The following CRYZL1 variants were observed in gnomAD, a reference collection of about 807,000 sequenced individuals.
CRYZL1 encodes the protein crystallin zeta like 1.
In CRYZL1, 34 loss-of-function variants were observed where a neutral mutation model predicts 50.6. The ratio of observed to expected loss-of-function variants is 0.67; its 90% CI spans 0.51 to 0.89. The LOEUF (loss-of-function observed/expected upper bound fraction) is 0.89, where lower values mean the gene tolerates loss of function less well. CRYZL1 is among the 40% of genes least tolerant of loss of function. The pLI, the probability that CRYZL1 is intolerant of heterozygous loss-of-function variation, is 0.00. For missense variants in CRYZL1, 354 were observed against 402.3 expected, an observed-to-expected ratio of 0.88 and a Z score of 1.03; for synonymous variants, 125 against 134.3, an observed-to-expected ratio of 0.93 and a Z score of 0.48.
rs953944060 is a variant in CRYZL1 at position 33,619,568 on chromosome 21, C to CT, written c.217+2427dup. 9.5e-5 allele frequency among the ~76,000 whole-genome samples: 14 copies of CT among 146,958 alleles called. No individual in the cohort carries two copies. The East Asian group carries it at 2.3e-3, about 24-fold the overall frequency. ...CGAAGGATAATTTTTTTTTCTTTTTCTTTTTTTTCTTTTGAGACAGGGTCT... is the reference window on the plus strand; with the variant it reads ...CGAAGGATAATTTTTTTTTCTTTTTCTTTTTTTTTCTTTTGAGACAGGGTCT... On this transcript the variant is annotated intron_variant, in intron 4 of 12. Coordinates refer to ENST00000381554, the MANE Select transcript of CRYZL1 (RefSeq NM_145858.3).
At position 33,623,724 on chromosome 21, in the gene CRYZL1, C is replaced by T. The variant is rs754009887; in HGVS notation, c.144+959G>A. On this transcript the variant is annotated intron_variant, in intron 3 of 12. Coordinates refer to ENST00000381554, the MANE Select transcript of CRYZL1 (RefSeq NM_145858.3). ...AGTCACATTATAATCCAATAAGTTA[C>T]GGGTCATGTAAACTATGGCATTAAT... Among the ~76,000 whole-genome samples, 3 of 152,036 alleles carry T rather than the reference C, an allele frequency of 2.0e-5. No individual in the cohort carries two copies. The East Asian group carries it at 5.8e-4, about 29-fold the overall frequency.
intron 11 of CRYZL1, 59 bp downstream of exon 11, chr21:33,595,672 A>G: frequency 1.9e-6 from 3 of 1,603,418 alleles, no homozygotes; most frequent in Non-Finnish European, 2.6e-6. Flanking sequence ...TCGTAATGAA[A>G]GAACTTAGTA....
chr21:33,620,556 A>G (rs1196354059), intron 4 of CRYZL1, among the ~76,000 whole-genome samples: 1 of 150,606 alleles, frequency 6.6e-6, no homozygotes, highest in Non-Finnish European at 1.5e-5. Flanking sequence ...CATGCCTGTA[A>G]TCCCAGCACT....
intron 8 of CRYZL1, 128 bp downstream of exon 8, chr21:33,602,104 TGC>T (rs1428951807): frequency 1.5e-5 from 9 of 594,536 alleles, no homozygotes; most frequent in Non-Finnish European, 2.7e-5. Context: ...CTTCCCAAGG[TGC>T]TGAGGTTACA....
Position 33,621,983 on chromosome 21 carries a change from T to A in CRYZL1, c.217+13A>T. ...TAGAAAATAAATACATATACTCACA[T>A]CTGTATACTTACCATCTAATACAAT... On this transcript the variant is annotated intron_variant, in intron 4 of 12. Transcript: ENST00000381554. 6.4e-7 allele frequency: 1 copy of A among 1,566,920 alleles called. No homozygotes were observed. Among genetic ancestry groups the A allele is most frequent in the African/African-American group, 1.3e-5 (1 of 74,116 alleles).
chr21:33,629,169 G>A (rs975673706), intron 2 of CRYZL1, among the ~76,000 whole-genome samples: 2 of 152,064 alleles, frequency 1.3e-5, no homozygotes, highest in African/African-American at 2.4e-5. Flanking sequence ...AGGTTGCAGT[G>A]AGCCCAGATT....
chr21:33,600,927 C>CG (rs2086745976), intron 8 of CRYZL1, among the ~76,000 whole-genome samples: 8 of 708 alleles, frequency 0.011, no homozygotes, highest in African/African-American at 0.048. Flanking sequence ...GTGCCCGGTC[C>CG]ATAAAGTTTT....
intron 1 of CRYZL1, among the ~76,000 whole-genome samples, chr21:33,637,972 G>A (rs1024524272): frequency 1.5e-4 from 23 of 148,750 alleles, no homozygotes; most frequent in Non-Finnish European, 3.1e-4. Flanking sequence ...GATTGTTAGG[G>A]GGAAATCTTC....
chr21:33,640,235 G>C, intron 1 of CRYZL1: 1 of 1,544,520 alleles, frequency 6.5e-7, no homozygotes, highest in South Asian at 1.2e-5. Flanking sequence ...ATTGCACAAG[G>C]CTGGCAGCTT....
intron 2 of CRYZL1, among the ~76,000 whole-genome samples, chr21:33,629,889 A>T (rs1327577520): frequency 6.6e-6 from 1 of 152,116 alleles, no homozygotes; most frequent in Non-Finnish European, 1.5e-5. Flanking sequence ...GGCTTTTATT[A>T]TATTGATGTA....
At chr21:33,595,104 T>C (rs1017863130) in intron 11 of CRYZL1, 3 of 953,694 alleles carry the variant, frequency 3.1e-6, no homozygotes, top group African/African-American at 3.5e-5. Flanking sequence ...CTAAAGAGGT[T>C]TGCACCTTTC....
intron 7 of CRYZL1, 130 bp from the exon 8 acceptor site, chr21:33,602,475 A>T: frequency 2.3e-6 from 1 of 443,296 alleles, no homozygotes. Flanking sequence ...ATGTTATCTA[A>T]TAGGAAAAGA....
At chr21:33,614,171 C>CAAAAA (rs1174565593) in intron 5 of CRYZL1, among the ~76,000 whole-genome samples, 4 of 98,218 alleles carry the variant, frequency 4.1e-5, no homozygotes, top group Admixed American at 1.1e-4. Context: ...GACTCTGTGT[C>CAAAAA]AAAAAAAAAA....
In CRYZL1 at chr21:33,604,143, G is replaced by A. The variant is rs537509420; in HGVS notation, c.332-606C>T. Among the ~76,000 whole-genome samples the A allele has an allele frequency of 4.6e-5, 7 of 151,584 alleles. No individual in the cohort carries two copies. In the East Asian group the frequency reaches 1.4e-3, roughly 29 times the overall value. On this transcript the variant is annotated intron_variant, in intron 6 of 12. Coordinates refer to ENST00000381554, the MANE Select transcript of CRYZL1 (RefSeq NM_145858.3). ...AGCACTTTGGGAGGCCGAGGCGGGCGGATCACGAGCTCAGGAGATCGAGAC... is the reference window on the plus strand; with the variant it reads ...AGCACTTTGGGAGGCCGAGGCGGGCAGATCACGAGCTCAGGAGATCGAGAC...
At position 33,589,803 on chromosome 21, in the gene CRYZL1, G is replaced by T; in HGVS notation, c.*19C>A. ...TACTGGAATATGTTCATCCGACTGA[G>T]GTCTGAGAAAGAAGAAAATTAAAAT... is the stretch of plus-strand genomic sequence containing the variant. On this transcript the variant is annotated 3_prime_UTR_variant, in exon 13 of 13. Transcript: ENST00000381554. 1 of 1,452,298 alleles carries T rather than the reference G, an allele frequency of 6.9e-7. No homozygotes were observed. The highest frequency in any genetic ancestry group is 9.7e-7 in the Non-Finnish European group (1 of 1,034,066). 90.0% of individuals were successfully genotyped at this position (1,452,298 alleles called of 1,614,324 possible). A position where few individuals can be genotyped will look rare whatever the true frequency, so the allele number is the denominator to read the frequency against.
chr21:33,591,072 C>T (rs185896835), intron 12 of CRYZL1, 90 bp downstream of exon 12: 78 of 889,144 alleles, frequency 8.8e-5, no homozygotes, highest in Middle Eastern at 6.5e-4. Context: ...AGGTACATGG[C>T]GAGAGCTAAA....
At chr21:33,599,128 A>G (rs745693377) in intron 9 of CRYZL1, 22 bp downstream of exon 9, 10 of 1,610,296 alleles carry the variant, frequency 6.2e-6, no homozygotes, top group South Asian at 1.1e-5. Flanking sequence ...TACACAGGCT[A>G]CTAATTTCAT....
chr21:33,620,763 T>A (rs2086986699), intron 4 of CRYZL1, among the ~76,000 whole-genome samples: 1 of 146,030 alleles, frequency 6.8e-6, no homozygotes, highest in Non-Finnish European at 1.5e-5. Flanking sequence ...GGAGCAGACA[T>A]CACGCCACTG....
Position 33,635,119 on chromosome 21 carries a change from C to T in CRYZL1, c.-6-3562G>A, listed in dbSNP as rs968108900. Among the ~76,000 whole-genome samples, 10 of 151,042 alleles carry T rather than the reference C, an allele frequency of 6.6e-5. 1 individual carries two copies. Among genetic ancestry groups the T allele is most frequent in the Non-Finnish European group, 4.4e-5 (3 of 67,802 alleles). ...TGAGGAAATATTTGTCTTGAAAGCC[C>T]AAAAAAAGAATACTGAGTTCCTAGT... is the stretch of plus-strand genomic sequence containing the variant. On this transcript the variant is annotated intron_variant, in intron 1 of 12. Coordinates refer to ENST00000381554, the MANE Select transcript of CRYZL1 (RefSeq NM_145858.3).
Sources: allele counts gnomAD v4.1 joint callset (sites outside exome capture counted in the v4.1 genomes callset), GRCh38; gene constraint gnomAD v4.1.1; transcripts MANE v1.5; gene names NCBI Gene and HGNC (gene_info 2026-07-23, HGNC 2026-07-21).